The following PTPN2 variants were observed in gnomAD, a reference collection of about 807,000 sequenced individuals.
PTPN2 encodes protein tyrosine phosphatase non-receptor type 2.
A neutral mutation model predicts 57.3 loss-of-function variants in PTPN2; 19 were observed. The ratio of observed to expected loss-of-function variants is 0.33; its 90% CI spans 0.23 to 0.49. The LOEUF (loss-of-function observed/expected upper bound fraction) is 0.49, where lower values mean the gene tolerates loss of function less well. Among genes scored for constraint, PTPN2 ranks in the 20% least tolerant of loss-of-function variants. The pLI is 0.99. For synonymous variants in PTPN2, 153 were observed against 164.9 expected (o/e 0.93, Z 0.55); for missense variants, 358 against 501.1 (o/e 0.71, Z 2.73).
intron 7 of PTPN2, among the ~76,000 whole-genome samples, chr18:12,803,765 A>G (rs1223405790): frequency 6.6e-6 from 1 of 152,212 alleles, no homozygotes; most frequent in East Asian, 1.9e-4. Context: ...CATAGACTGC[A>G]ATACAATAAT....
At chr18:12,815,065 C>A (rs1399867201) in intron 6 of PTPN2, among the ~76,000 whole-genome samples, 1 of 149,272 alleles carries the variant, frequency 6.7e-6, no homozygotes, top group Non-Finnish European at 1.5e-5. Context: ...GCCTGGGCGA[C>A]AGAGCGAGAC....
At chr18:12,854,669 T>C (rs1158214508) in intron 2 of PTPN2, among the ~76,000 whole-genome samples, 2 of 151,802 alleles carry the variant, frequency 1.3e-5, no homozygotes, top group Non-Finnish European at 2.9e-5. Context: ...CGACTGCAGA[T>C]GAGATTTGGG....
intron 2 of PTPN2, among the ~76,000 whole-genome samples, chr18:12,837,560 C>T (rs766980241): frequency 6.6e-6 from 1 of 152,052 alleles, no homozygotes; most frequent in African/African-American, 2.4e-5. Context: ...CAAAATGTGA[C>T]CTTATACATT....
intron 1 of PTPN2, among the ~76,000 whole-genome samples, chr18:12,881,416 G>A (rs1010400375): frequency 6.6e-6 from 1 of 152,030 alleles, no homozygotes; most frequent in South Asian, 2.1e-4. Flanking sequence ...CAGCCTGGGC[G>A]ACAGAGCGGG....
chr18:12,816,987 G>A (rs1038631139), intron 6 of PTPN2, among the ~76,000 whole-genome samples, 169 bp downstream of exon 6: 2 of 152,102 alleles, frequency 1.3e-5, no homozygotes, highest in African/African-American at 4.8e-5. Context: ...TCATGAATAA[G>A]AGGCAGTTGC....
At chr18:12,809,911 G>C (rs1458275264) in intron 7 of PTPN2, among the ~76,000 whole-genome samples, 1 of 152,220 alleles carries the variant, frequency 6.6e-6, no homozygotes. Context: ...GCCTGGCACA[G>C]TGGCTCATGC....
chr18:12,840,298 A>G (rs1366863681), intron 2 of PTPN2, among the ~76,000 whole-genome samples: 1 of 152,244 alleles, frequency 6.6e-6, no homozygotes, highest in Non-Finnish European at 1.5e-5. Flanking sequence ...TAGTCGAACA[A>G]CAAATATTAT....
intron 8 of PTPN2, among the ~76,000 whole-genome samples, chr18:12,796,151 A>T (rs933821149): frequency 6.6e-6 from 1 of 152,200 alleles, no homozygotes; most frequent in Admixed American, 6.5e-5. Flanking sequence ...AATGTCAAGC[A>T]AGGAAGAAAA....
chr18:12,881,476 T>G (rs2044665898), intron 1 of PTPN2, among the ~76,000 whole-genome samples: 1 of 152,134 alleles, frequency 6.6e-6, no homozygotes, highest in Non-Finnish European at 1.5e-5. Context: ...TTTCCAGACT[T>G]ACAATTCCAC....
At chr18:12,872,321 G>T (rs1236211519) in intron 1 of PTPN2, 1 of 152,134 alleles carries the variant, frequency 6.6e-6, no homozygotes, top group African/African-American at 2.4e-5. Flanking sequence ...CAAATATAGT[G>T]AAAGAAGAAA....
At chr18:12,828,485 A>G (rs2042555131) in intron 4 of PTPN2, among the ~76,000 whole-genome samples, 1 of 152,218 alleles carries the variant, frequency 6.6e-6, no homozygotes, top group Admixed American at 6.5e-5. Flanking sequence ...TGATATCATG[A>G]TTATGGTTAT....
At chr18:12,799,858 T>C (rs1372735616) in intron 8 of PTPN2, among the ~76,000 whole-genome samples, 2 of 152,198 alleles carry the variant, frequency 1.3e-5, no homozygotes, top group East Asian at 3.8e-4. Context: ...CTCAAACTCC[T>C]GACCTCAAGT....
chr18:12,874,473 G>T (rs1400944509), intron 1 of PTPN2, among the ~76,000 whole-genome samples: 1 of 132,556 alleles, frequency 7.5e-6, no homozygotes, highest in African/African-American at 2.9e-5. Flanking sequence ...CTGCCCGGCC[G>T]CCCCTACTGG....
intron 2 of PTPN2, among the ~76,000 whole-genome samples, chr18:12,854,134 G>A (rs1161188099): frequency 6.6e-6 from 1 of 152,044 alleles, no homozygotes; most frequent in Non-Finnish European, 1.5e-5. Context: ...CGAGGCAGGT[G>A]GACTACATGA....
intron 7 of PTPN2, among the ~76,000 whole-genome samples, chr18:12,808,244 A>C (rs2041759885): frequency 6.6e-6 from 1 of 152,120 alleles, no homozygotes; most frequent in South Asian, 2.1e-4. Flanking sequence ...TCTTCTGGCT[A>C]TTTCGAAATA....
rs200487122 is a variant in PTPN2, at chr18:12,827,686, GA to G, written c.361-1743del. Among the ~76,000 whole-genome samples, 8 of 143,762 alleles carry G rather than the reference GA, an allele frequency of 5.6e-5. No individual in the cohort carries two copies. In the South Asian group the frequency reaches 1.7e-3, roughly 31 times the overall value. 94.3% of individuals were successfully genotyped at this position (143,762 alleles called of 152,430 possible). A position where few individuals can be genotyped will look rare whatever the true frequency, so the allele number is the denominator to read the frequency against. ...AGGTGTAAGCCCTCCAACCTGGCCA[GA>G]AAAAAAAAAATTTTTTTTAAGTAAA... On this transcript the variant is annotated intron_variant, in intron 4 of 8. Coordinates refer to ENST00000309660, the MANE Select transcript of PTPN2 (RefSeq NM_002828.4).
intron 5 of PTPN2, among the ~76,000 whole-genome samples, chr18:12,818,679 G>C (rs1387743957): frequency 6.6e-6 from 1 of 151,142 alleles, no homozygotes; most frequent in Non-Finnish European, 1.5e-5. Flanking sequence ...TTTGAGGGAG[G>C]AGGCATAGAA....
At chr18:12,853,925 C>T (rs990414375) in intron 2 of PTPN2, among the ~76,000 whole-genome samples, 17 of 152,116 alleles carry the variant, frequency 1.1e-4, no homozygotes, top group African/African-American at 4.1e-4. Flanking sequence ...ACAAAGATTA[C>T]TCCAGATACC....
chr18:12,808,052 A>T (rs2041749874), intron 7 of PTPN2, among the ~76,000 whole-genome samples: 1 of 151,896 alleles, frequency 6.6e-6, no homozygotes, highest in Non-Finnish European at 1.5e-5. Context: ...ATGTGGTGGC[A>T]CGCGCCTGCA....
Sources: gnomAD v4.1 joint callset for allele counts (sites outside exome capture counted in the v4.1 genomes callset) on GRCh38, gnomAD v4.1.1 for gene constraint, MANE v1.5 for transcripts, NCBI Gene and HGNC (gene_info 2026-07-23, HGNC 2026-07-21) for gene names.